NUP133: variants seen among roughly 807,000 people sequenced by gnomAD.
NUP133 encodes the protein nucleoporin 133, also known as nuclear pore complex protein Nup133.
NUP133 carries 66 observed loss-of-function variants against 146.2 expected under a neutral mutation model. The observed-to-expected ratio is 0.45, with a 90% CI of 0.37 to 0.55. NUP133 has a LOEUF of 0.55. NUP133 is among the 20% of genes least tolerant of loss of function. The pLI is 0.00. For synonymous variants in NUP133, 521 were observed against 498.8 expected, an observed-to-expected ratio of 1.04 and a Z score of -0.59; for missense variants, 1,277 against 1,374.8, an observed-to-expected ratio of 0.93 and a Z score of 1.12.
chr1:229,497,417 G>GT (rs1355378339), intron 6 of NUP133, among the ~76,000 whole-genome samples: 1 of 152,186 alleles, frequency 6.6e-6, no homozygotes, highest in Non-Finnish European at 1.5e-5. Context: ...CAATAAATTT[G>GT]TTTTTAAACA....
At chr1:229,449,875 T>TATATATATATATATATATATA (rs1558088585) in intron 23 of NUP133, among the ~76,000 whole-genome samples, 9 of 64,014 alleles carry the variant, frequency 1.4e-4, no homozygotes, top group African/African-American at 2.4e-4. Context: ...ATATATATAT[T>TATATATATATATATATATATA]TTTTTTTTTT....
chr1:229,464,442 C>T (rs988189673), intron 18 of NUP133, among the ~76,000 whole-genome samples, 182 bp downstream of exon 18: 1 of 152,148 alleles, frequency 6.6e-6, no homozygotes, highest in East Asian at 1.9e-4. Context: ...ATCTATGGTA[C>T]TTATACCTAG....
rs1171071679 is a variant in NUP133 at position 229,500,962 on chromosome 1, CT to C, written c.406-100del. 2.7e-5 allele frequency: 18 copies of C among 657,464 alleles called. No homozygotes were observed. The African/African-American group carries it at 3.3e-4, about 12-fold the overall frequency. The allele number at this position is 657,464 out of a possible 1,614,324, so 40.7% of individuals were successfully genotyped here. A position where few individuals can be genotyped will look rare whatever the true frequency, so the allele number is the denominator to read the frequency against. On this transcript the variant is annotated intron_variant, in intron 3 of 25. Coordinates refer to ENST00000261396, the MANE Select transcript of NUP133 (RefSeq NM_018230.3). ...TCTGCATATTTTAGATTCTGACTCA[CT>C]GCTGGAAACACCATTCTACAAATAT... is the stretch of plus-strand genomic sequence containing the variant.
chr1:229,451,591 CA>C (rs1393614154), intron 22 of NUP133, among the ~76,000 whole-genome samples: 2 of 152,036 alleles, frequency 1.3e-5, no homozygotes, highest in Non-Finnish European at 2.9e-5. Flanking sequence ...TTAAAAATAT[CA>C]ATTTGAATTT....
chr1:229,452,626 G>T lies in NUP133; in HGVS notation c.2998C>A (p.Arg1000Ser). ...AGGGTCTCCTGATGCAGTAGAAAGC[G>T]CTCCTGCTCAGCCATTTCTAGTATT... ...EKIEEMAEQE[R>S]FLLHQETLPE... Residue 1000 changes from arginine to serine, a missense_variant, in exon 22 of 26, where the codon CGC becomes AGC. Around this residue, in one of 3 missense-constraint regions of NUP133, gnomAD observed 952 missense variants for 1,047.0 expected, o/e 0.91. Transcript: ENST00000261396. The T allele has an allele frequency of 6.2e-7, 1 of 1,611,414 alleles. No homozygotes were observed. The highest frequency in any genetic ancestry group is 8.5e-7 in the Non-Finnish European group (1 of 1,178,262).
At chr1:229,490,163 A>G in intron 8 of NUP133, 61 bp from the exon 9 acceptor site, 1 of 1,368,528 alleles carries the variant, frequency 7.3e-7, no homozygotes. Context: ...AGTTTCCTAT[A>G]AAATTAAACA....
chr1:229,469,801 C>T (rs1660913055), intron 15 of NUP133, among the ~76,000 whole-genome samples: 1 of 152,226 alleles, frequency 6.6e-6, no homozygotes, highest in South Asian at 2.1e-4. Context: ...GGAAGGCCAC[C>T]TTGCTGTGGC....
chr1:229,489,763 C>T (rs1408957677), intron 9 of NUP133, among the ~76,000 whole-genome samples, 192 bp downstream of exon 9: 1 of 152,124 alleles, frequency 6.6e-6, no homozygotes, highest in Non-Finnish European at 1.5e-5. Flanking sequence ...CCCAGCCACT[C>T]GGGAGGCTGA....
intron 24 of NUP133, among the ~76,000 whole-genome samples, chr1:229,446,642 G>A (rs1660309082): frequency 6.6e-6 from 1 of 151,816 alleles, no homozygotes; most frequent in Admixed American, 6.6e-5. Context: ...GCTGAGGCGG[G>A]AGAATGGCAT....
chr1:229,485,257 C>T (rs894824076), intron 11 of NUP133, among the ~76,000 whole-genome samples: 1 of 152,152 alleles, frequency 6.6e-6, no homozygotes, highest in African/African-American at 2.4e-5. Flanking sequence ...GCCCCGCTGA[C>T]AGGAGATGAG....
rs556029754 is a variant in NUP133, at chr1:229,476,938, AAAC to A, written c.1756+656_1756+658del. Among the ~76,000 whole-genome samples, 639 of 151,044 alleles carry A rather than the reference AAAC, an allele frequency of 4.2e-3. 11 individuals are homozygous for A. Among genetic ancestry groups the A allele is most frequent in the African/African-American group, 0.014 (586 of 40,650 alleles). On this transcript the variant is annotated intron_variant, in intron 13 of 25. Transcript: ENST00000261396. ...GGGAGACCCTGTTTCCAAAAAAAAA[AAAC>A]AAAAAAAAAAACTGGGATTGGGGGG...
At chr1:229,502,577 A>AG (rs1451953703) in intron 2 of NUP133, among the ~76,000 whole-genome samples, 11 of 150,842 alleles carry the variant, frequency 7.3e-5, no homozygotes, top group African/African-American at 2.4e-4. Context: ...AAAAAAAAAA[A>AG]AAAGAAAGAA....
intron 21 of NUP133, among the ~76,000 whole-genome samples, chr1:229,456,003 C>G (rs548359572): frequency 1.3e-5 from 2 of 152,234 alleles, no homozygotes; most frequent in African/African-American, 4.8e-5. Flanking sequence ...TCTAAAACAG[C>G]CTGTCTTTTG....
intron 24 of NUP133, 25 bp from the exon 25 acceptor site, chr1:229,445,027 GA>G: frequency 2.0e-6 from 3 of 1,495,416 alleles, no homozygotes; most frequent in Non-Finnish European, 2.8e-6. Context: ...CATTATGAGG[GA>G]AAAATGAAAT....
intron 2 of NUP133, among the ~76,000 whole-genome samples, chr1:229,504,085 T>G (rs1661875549): frequency 6.6e-6 from 1 of 152,126 alleles, no homozygotes; most frequent in Non-Finnish European, 1.5e-5. Flanking sequence ...ACAGGCAAGA[T>G]GTGCCAAGTT....
intron 1 of NUP133, among the ~76,000 whole-genome samples, chr1:229,506,770 T>C (rs12035203): frequency 0.19 from 27,755 of 149,934 alleles, 2,816 homozygotes; most frequent in Middle Eastern, 0.26. Flanking sequence ...TAGCCGGGCA[T>C]TGTGGCACCA....
chr1:229,490,282 A>T (rs1163425934), intron 8 of NUP133, among the ~76,000 whole-genome samples, 180 bp from the exon 9 acceptor site: 1 of 152,238 alleles, frequency 6.6e-6, no homozygotes, highest in African/African-American at 2.4e-5. Context: ...ACCTGTGTAC[A>T]AATGACTGTA....
chr1:229,484,423 G>C (rs1017551881), intron 11 of NUP133, among the ~76,000 whole-genome samples: 2 of 152,142 alleles, frequency 1.3e-5, no homozygotes, highest in African/African-American at 4.8e-5. Flanking sequence ...GTGTTGGGCT[G>C]CATTCAAAGC....
chr1:229,484,190 A>T (rs762841626), intron 11 of NUP133, 45 bp from the exon 12 acceptor site: 1 of 1,375,598 alleles, frequency 7.3e-7, no homozygotes, highest in Middle Eastern at 2.3e-4. Context: ...GCATCTGAAT[A>T]TTCTTAATTA....
Sources: gnomAD v4.1 joint callset for allele counts (sites outside exome capture counted in the v4.1 genomes callset) on GRCh38, gnomAD v4.1.1 for gene constraint, gnomAD v4.1.1 regional missense constraint, MANE v1.5 for transcripts, NCBI Gene and HGNC (gene_info 2026-07-23, HGNC 2026-07-21) for gene names.